The following HADHA variants were observed in gnomAD, a reference collection of about 807,000 sequenced individuals.
HADHA encodes the protein trifunctional enzyme subunit alpha, mitochondrial.
A neutral mutation model predicts 91.3 loss-of-function variants in HADHA; 59 were observed. The ratio of observed to expected loss-of-function variants is 0.65; its 90% CI spans 0.52 to 0.80. HADHA has a LOEUF of 0.80. Ranked by LOEUF, HADHA falls within the 30% of genes least tolerant of loss-of-function variation. HADHA has a pLI of 0.00. For missense variants in HADHA, 800 were observed against 927.6 expected, an observed-to-expected ratio of 0.86 and a Z score of 1.79; for synonymous variants, 320 against 338.9, an observed-to-expected ratio of 0.94 and a Z score of 0.61.
intron 17 of HADHA, among the ~76,000 whole-genome samples, 182 bp from the exon 18 acceptor site, chr2:26,192,606 T>TA (rs1669541869): frequency 6.6e-6 from 1 of 151,906 alleles, no homozygotes; most frequent in Non-Finnish European, 1.5e-5. Context: ...GCCAACATGG[T>TA]GAAACCCCAT....
intron 7 of HADHA, among the ~76,000 whole-genome samples, chr2:26,216,324 T>TC: frequency 6.8e-6 from 1 of 147,182 alleles, no homozygotes; most frequent in African/African-American, 2.5e-5. Flanking sequence ...CCTATTTTTT[T>TC]TTTTTTTTTT....
At chr2:26,225,615 A>T (rs1670468341) in intron 7 of HADHA, among the ~76,000 whole-genome samples, 2 of 152,204 alleles carry the variant, frequency 1.3e-5, no homozygotes, top group Admixed American at 1.3e-4. Context: ...TGTGACTGAC[A>T]TTATTAATAG....
At chr2:26,224,931 A>G (rs945191818) in intron 7 of HADHA, among the ~76,000 whole-genome samples, 2 of 152,230 alleles carry the variant, frequency 1.3e-5, no homozygotes, top group Non-Finnish European at 2.9e-5. Context: ...AGAGTATAAA[A>G]ACATTAAAAT....
In HADHA at chr2:26,214,629, A is replaced by T; in HGVS notation, c.800-68T>A. On this transcript the variant is annotated intron_variant, in intron 8 of 19. Transcript: ENST00000380649. This position sits in a 1 kb window ranked among gnomAD's most constrained non-coding sequence, Gnocchi z 4.1. The stretch of plus-strand genomic sequence containing the variant: ...AGATTCCCTTGTTAGTTTATGCTCT[A>T]AACTCTATAAAAATGAAGTAATTCT... 1 of 843,264 alleles carries T rather than the reference A, an allele frequency of 1.2e-6. No individual in the cohort carries two copies. The allele number at this position is 843,264 out of a possible 1,614,324, so 52.2% of individuals were successfully genotyped here. A position where few individuals can be genotyped will look rare whatever the true frequency, so the allele number is the denominator to read the frequency against.
At chr2:26,223,815 C>T (rs766486405) in intron 7 of HADHA, among the ~76,000 whole-genome samples, 2 of 152,222 alleles carry the variant, frequency 1.3e-5, no homozygotes, top group Non-Finnish European at 2.9e-5. Context: ...GGTACAATCT[C>T]GGCTCACTGC....
chr2:26,222,832 T>C (rs1210426756), intron 7 of HADHA, among the ~76,000 whole-genome samples: 1 of 152,130 alleles, frequency 6.6e-6, no homozygotes, highest in Non-Finnish European at 1.5e-5. Context: ...CTTGACAGAA[T>C]GGTGGGATGG....
rs573673381 is a variant in HADHA, at chr2:26,239,157, C to T, written c.68-14G>A. 6 of 1,570,664 alleles carry T rather than the reference C, an allele frequency of 3.8e-6. No individual in the cohort carries two copies. The East Asian group carries it at 1.1e-4, about 29-fold the overall frequency. On this transcript the variant is annotated splice_polypyrimidine_tract_variant and intron_variant, in intron 1 of 19. Coordinates refer to ENST00000380649, the MANE Select transcript of HADHA (RefSeq NM_000182.5). ...GGCATATATAACCTGTAAGAAAAGA[C>T]ATTTCAAAATTAATTTGCGAAACAA...
At chr2:26,237,087 T>G in intron 3 of HADHA, 99 bp from the exon 4 acceptor site, 1 of 888,570 alleles carries the variant, frequency 1.1e-6, no homozygotes, top group Non-Finnish European at 1.9e-6. Context: ...AATATACTTA[T>G]CCGGCAGAAA....
chr2:26,195,057 CAA>C, intron 15 of HADHA, 33 bp downstream of exon 15: 1 of 1,588,782 alleles, frequency 6.3e-7, no homozygotes, highest in East Asian at 2.2e-5. Flanking sequence ...TAGAACTTTT[CAA>C]AAACTCTGCA....
rs1309675738 is a variant in HADHA at position 26,191,661 on chromosome 2, A to G, written c.2001-33T>C. On this transcript the variant is annotated intron_variant, in intron 18 of 19. Coordinates refer to ENST00000380649, the MANE Select transcript of HADHA (RefSeq NM_000182.5). ...CAGAAAGAGATGTTTAGGTAGAAGA[A>G]GAGGAAAAGGGGAGGAAAGCCAGAG... 15 of 1,606,368 alleles carry G rather than the reference A, an allele frequency of 9.3e-6. 1 individual carries two copies. The South Asian group carries it at 1.1e-4, about 12-fold the overall frequency.
At chr2:26,224,745 A>C (rs562622378) in intron 7 of HADHA, among the ~76,000 whole-genome samples, 1 of 152,324 alleles carries the variant, frequency 6.6e-6, no homozygotes, top group South Asian at 2.1e-4. Context: ...TATGGGTGTC[A>C]AACAGACAAG....
chr2:26,230,202 C>T lies in HADHA; in HGVS notation c.666G>A (p.Val222=), dbSNP rs770345799. The T allele has an allele frequency of 1.3e-6, 2 of 1,593,988 alleles. No individual in the cohort carries two copies. The highest frequency in any genetic ancestry group is 1.1e-5 in the South Asian group (1 of 90,714). Residue 222 remains valine, a synonymous_variant, in exon 7 of 20, where the codon GTG becomes GTA. Transcript: ENST00000380649. ...TGTGCTAACACTTACCCAGGGGTTC[C>T]ACCAGTTGGTCAACCAGTCCCATTT... is the stretch of plus-strand genomic sequence containing the variant. ...AKKMGLVDQL[V]EPLGPGLKPP...
At chr2:26,216,226 G>C (rs1389804456) in intron 7 of HADHA, among the ~76,000 whole-genome samples, 1 of 151,960 alleles carries the variant, frequency 6.6e-6, no homozygotes, top group African/African-American at 2.4e-5. Flanking sequence ...TGGCAATCTT[G>C]TGCAGTACTG....
Position 26,191,533 on chromosome 2 carries a change from T to A in HADHA, c.2096A>T (p.Glu699Val). The change falls in exon 19 of 20, where the codon GAG becomes GTG. Residue 699 changes from glutamate to valine, a missense_variant. Coordinates refer to ENST00000380649, the MANE Select transcript of HADHA (RefSeq NM_000182.5). ...LQEGILATPA[E>V]GDIGAVFGLG... ...CCCAAAGACGGCTCCGATGTCTCCC[T>A]CTGCAGGTGTGGCCAAGATCCCCTC... The A allele has an allele frequency of 6.2e-7, 1 of 1,614,134 alleles. No homozygotes were observed. Among genetic ancestry groups the A allele is most frequent in the Non-Finnish European group, 8.5e-7 (1 of 1,180,004 alleles).
Position 26,236,903 on chromosome 2 carries a change from A to G in HADHA, c.266T>C (p.Val89Ala), listed in dbSNP as rs1670774696. 1 of 1,611,500 alleles carries G rather than the reference A, an allele frequency of 6.2e-7. No individual in the cohort carries two copies. Among genetic ancestry groups the G allele is most frequent in the Admixed American group, 1.7e-5 (1 of 60,002 alleles). ...GCAGCCTGGCTTTGATGAGATAAGG[A>G]CGGCACTTCTGATTTGATCACTAGC... ...IWASDQIRSAVLISSKPGCFI... is the reference protein window; with the variant it reads ...IWASDQIRSAALISSKPGCFI... The change falls in exon 4 of 20, where the codon GTC (valine) becomes GCC (alanine). Residue 89 changes from valine (V) to alanine (A), a missense_variant. By Grantham distance (64) the Val-to-Ala change is moderately conservative (BLOSUM62 0). Transcript: ENST00000380649.
At chr2:26,195,588 G>GT (rs1409845848) in intron 14 of HADHA, among the ~76,000 whole-genome samples, 9 of 96,066 alleles carry the variant, frequency 9.4e-5, no homozygotes, top group Non-Finnish European at 1.8e-4. Flanking sequence ...AGAGGATCCA[G>GT]TTTTTTTGGG....
Position 26,194,622 on chromosome 2 carries a change from T to A in HADHA, c.1637A>T (p.Tyr546Phe). The A allele has an allele frequency of 6.2e-7, 1 of 1,610,208 alleles. No individual in the cohort carries two copies. Among genetic ancestry groups the A allele is most frequent in the Non-Finnish European group, 8.5e-7 (1 of 1,176,664 alleles). ...CATGGGCGCAAGACACCTGGTAGTA[T>A]AGAAGCCAGGTCCATCCTGCCAAGG... ...IIVVKDGPGFYTTRCLAPMMS... is the reference protein window; with the variant it reads ...IIVVKDGPGFFTTRCLAPMMS... Residue 546 changes from tyrosine (Y) to phenylalanine (F), a missense_variant, in exon 16 of 20, where the codon TAT (tyrosine) becomes TTT (phenylalanine). Tyr to Phe is a conservative substitution (Grantham distance 22, BLOSUM62 3). Transcript: ENST00000380649.
intron 11 of HADHA, among the ~76,000 whole-genome samples, chr2:26,205,005 A>G (rs1469142549): frequency 6.6e-6 from 1 of 152,100 alleles, no homozygotes; most frequent in African/African-American, 2.4e-5. Flanking sequence ...ACATATGCAC[A>G]TTGCTACCTT....
intron 16 of HADHA, 118 bp from the exon 17 acceptor site, chr2:26,193,890 A>G: frequency 6.3e-6 from 5 of 792,514 alleles, no homozygotes; most frequent in Non-Finnish European, 1.1e-5. Context: ...GTGTCACCTG[A>G]CCAGGCCCAG....
Sources: allele counts gnomAD v4.1 joint callset (sites outside exome capture counted in the v4.1 genomes callset), GRCh38; gene constraint gnomAD v4.1.1; non-coding constraint Gnocchi (gnomAD v3.1); transcripts MANE v1.5; gene names NCBI Gene and HGNC (gene_info 2026-07-23, HGNC 2026-07-21).